Variants in BTAF1 observed in about 807,000 individuals in gnomAD.
BTAF1 encodes the protein B-TFIID TATA-box binding protein associated factor 1, also known as TATA-binding protein-associated factor 172.
A neutral mutation model predicts 227.1 loss-of-function variants in BTAF1; 38 were observed. That is an observed-to-expected ratio of 0.17 (90% confidence interval 0.13 to 0.22). BTAF1 has a LOEUF of 0.22. BTAF1 is among the 10% of genes least tolerant of loss of function. The pLI is 1.00. For missense variants in BTAF1, 1,598 were observed against 2,204.0 expected, an observed-to-expected ratio of 0.73 and a Z score of 5.51; for synonymous variants, 742 against 751.9, an observed-to-expected ratio of 0.99 and a Z score of 0.21.
chr10:91,993,599 T>A, intron 21 of BTAF1, 95 bp from the exon 22 acceptor site: 1 of 979,140 alleles, frequency 1.0e-6, no homozygotes, highest in South Asian at 3.8e-5. Context: ...ACATTATGAA[T>A]TCTTAGATGG....
chr10:91,933,886 A>T (rs1239498457), intron 1 of BTAF1, among the ~76,000 whole-genome samples: 1 of 152,222 alleles, frequency 6.6e-6, no homozygotes, highest in Non-Finnish European at 1.5e-5. Context: ...CTGATTTGAG[A>T]TATTGGAGAA....
chr10:91,924,062 C>A lies in BTAF1; in HGVS notation c.-15C>A. 6.2e-7 allele frequency: 1 copy of A among 1,607,724 alleles called. No homozygotes were observed. Among genetic ancestry groups the A allele is most frequent in the African/African-American group, 1.3e-5 (1 of 74,496 alleles). ...GCGTAGGTCGCGGGGAGCTCCGAAC[C>A]GCCGGCGCCCGGCCATGGCGGTCTC... On this transcript the variant is annotated 5_prime_UTR_variant, in exon 1 of 38. Coordinates refer to ENST00000265990, the MANE Select transcript of BTAF1 (RefSeq NM_003972.3).
chr10:91,923,892 CG>C lies in BTAF1; in HGVS notation c.-181del. ...TTGGACCCCTGCTTACCGGCCGCCG[CG>C]GGGACGAGCTCGGGTAGGCGGCAGG... is the stretch of plus-strand genomic sequence containing the variant. On this transcript the variant is annotated 5_prime_UTR_variant, in exon 1 of 38. Transcript: ENST00000265990. The C allele has an allele frequency of 1.6e-6, 1 of 624,134 alleles. No individual in the cohort carries two copies. Among genetic ancestry groups the C allele is most frequent in the Non-Finnish European group, 2.5e-6 (1 of 402,096 alleles). The allele number at this position is 624,134 out of a possible 1,614,324, so 38.7% of individuals were successfully genotyped here. A position where few individuals can be genotyped will look rare whatever the true frequency, so the allele number is the denominator to read the frequency against.
chr10:91,945,062 A>G (rs912055277), intron 4 of BTAF1, among the ~76,000 whole-genome samples: 1 of 152,164 alleles, frequency 6.6e-6, no homozygotes, highest in Non-Finnish European at 1.5e-5. Context: ...GCACACTGTG[A>G]TGTTGACAAC....
At chr10:91,957,551 C>A (rs943317066) in intron 8 of BTAF1, among the ~76,000 whole-genome samples, 1 of 152,084 alleles carries the variant, frequency 6.6e-6, no homozygotes, top group Admixed American at 6.5e-5. Context: ...ATATCTCTCC[C>A]AGGCAGTAAA....
chr10:91,929,496 A>G (rs1280689867), intron 1 of BTAF1, among the ~76,000 whole-genome samples: 2 of 152,236 alleles, frequency 1.3e-5, no homozygotes, highest in East Asian at 3.8e-4. Context: ...TGCTACATAT[A>G]GCAGACCTTT....
chr10:91,978,811 CTTGTT>C (rs1180825849), intron 14 of BTAF1, among the ~76,000 whole-genome samples: 4 of 59,664 alleles, frequency 6.7e-5, no homozygotes, highest in South Asian at 6.4e-4. Flanking sequence ...TGATTTATGG[CTTGTT>C]TTTTTTTTTT....
chr10:91,958,702 CG>C (rs1444411704), intron 8 of BTAF1, among the ~76,000 whole-genome samples: 19 of 152,072 alleles, frequency 1.2e-4, no homozygotes, highest in South Asian at 8.3e-4. Flanking sequence ...GACTCCATCT[CG>C]AAAAACAAAC....
intron 8 of BTAF1, among the ~76,000 whole-genome samples, chr10:91,958,439 T>A (rs995094853): frequency 6.6e-6 from 1 of 151,978 alleles, no homozygotes; most frequent in Non-Finnish European, 1.5e-5. Flanking sequence ...TGGTGGCTCA[T>A]GCCTGTAATC....
chr10:91,991,271 A>ATAT lies in BTAF1; in HGVS notation c.2855-848_2855-847insTAT, dbSNP rs1564699914. On this transcript the variant is annotated intron_variant, in intron 20 of 37. Coordinates refer to ENST00000265990, the MANE Select transcript of BTAF1 (RefSeq NM_003972.3). ...AAAAAAATATATAAATATAAATATA[A>ATAT]ATATATATATATATATATATAAATT... Among the ~76,000 whole-genome samples, 191 of 66,198 alleles carry ATAT rather than the reference A, an allele frequency of 2.9e-3. 12 individuals are homozygous for ATAT. Among genetic ancestry groups the ATAT allele is most frequent in the Middle Eastern group, 0.024 (3 of 124 alleles). 43.4% of individuals were successfully genotyped at this position (66,198 alleles called of 152,430 possible).
intron 19 of BTAF1, among the ~76,000 whole-genome samples, chr10:91,986,461 ATCT>A (rs763742535): frequency 1.1e-4 from 16 of 152,308 alleles, no homozygotes; most frequent in Non-Finnish European, 2.2e-4. Context: ...GAAAATAGTA[ATCT>A]TCATTTCTTA....
At chr10:91,991,096 A>T (rs1397992805) in intron 20 of BTAF1, among the ~76,000 whole-genome samples, 1 of 150,980 alleles carries the variant, frequency 6.6e-6, no homozygotes, top group East Asian at 2.0e-4. Context: ...AATACAAAAA[A>T]TCAGCCGGGC....
At chr10:91,971,351 T>TG (rs1847289698) in intron 14 of BTAF1, among the ~76,000 whole-genome samples, 1 of 152,184 alleles carries the variant, frequency 6.6e-6, no homozygotes, top group South Asian at 2.1e-4. Context: ...CCAAAGACTA[T>TG]GGCTATGGCA....
intron 1 of BTAF1, among the ~76,000 whole-genome samples, chr10:91,927,650 TCTTG>T (rs1318588258): frequency 6.6e-6 from 1 of 152,242 alleles, no homozygotes; most frequent in African/African-American, 2.4e-5. Flanking sequence ...TGATTTTGCT[TCTTG>T]CTTTGGTACC....
chr10:91,929,646 A>G (rs1844136279), intron 1 of BTAF1, among the ~76,000 whole-genome samples: 1 of 152,234 alleles, frequency 6.6e-6, no homozygotes, highest in African/African-American at 2.4e-5. Flanking sequence ...ATGTTAATGT[A>G]GAAAAAACTA....
At chr10:91,992,044 A>G in intron 20 of BTAF1, 75 bp from the exon 21 acceptor site, 1 of 1,238,540 alleles carries the variant, frequency 8.1e-7, no homozygotes, top group Non-Finnish European at 1.1e-6. Flanking sequence ...AAAATGTTTT[A>G]TCTCTTATGG....
intron 23 of BTAF1, among the ~76,000 whole-genome samples, chr10:91,995,249 G>A (rs899725121): frequency 1.3e-5 from 2 of 152,070 alleles, no homozygotes; most frequent in African/African-American, 4.8e-5. Context: ...AAGGGTATTA[G>A]CCCAGTTCTC....
chr10:91,940,203 G>T, intron 3 of BTAF1, 137 bp downstream of exon 3: 9 of 386,408 alleles, frequency 2.3e-5, no homozygotes, highest in East Asian at 4.4e-5. Flanking sequence ...GTCAGGAAAT[G>T]ATACTGAATA....
intron 14 of BTAF1, among the ~76,000 whole-genome samples, chr10:91,972,522 G>A (rs148343337): frequency 1.2e-4 from 18 of 152,212 alleles, no homozygotes; most frequent in African/African-American, 2.6e-4. Flanking sequence ...GTTTAAAGTC[G>A]TCATTATGCA....
Sources: gnomAD v4.1 joint callset for allele counts (sites outside exome capture counted in the v4.1 genomes callset) on GRCh38, gnomAD v4.1.1 for gene constraint, MANE v1.5 for transcripts, NCBI Gene and HGNC (gene_info 2026-07-23, HGNC 2026-07-21) for gene names.